The following RGS6 variants were observed in gnomAD, a reference collection of about 807,000 sequenced individuals.
RGS6 encodes the protein regulator of G-protein signaling 6.
Under a neutral mutation model 78.5 loss-of-function variants are expected in RGS6, and 30 were observed. The observed-to-expected ratio is 0.38, with a 90% CI of 0.29 to 0.52. The LOEUF is 0.52. Ranked by LOEUF, RGS6 falls within the 20% of genes least tolerant of loss-of-function variation. The pLI, the probability that RGS6 is intolerant of heterozygous loss-of-function variation, is 0.85. For missense variants in RGS6, 495 were observed against 609.7 expected (o/e 0.81, Z 1.98); for synonymous variants, 206 against 206.0 (o/e 1.00, Z 0.00).
chr14:72,127,818 A>G (rs914873316), intron 2 of RGS6, among the ~76,000 whole-genome samples: 3 of 152,246 alleles, frequency 2.0e-5, no homozygotes, highest in East Asian at 1.9e-4. Context: ...CCCCTTTATA[A>G]CTACAACCCC....
intron 5 of RGS6, 71 bp from the exon 6 acceptor site, chr14:72,459,561 C>T (rs1025722931): frequency 4.1e-6 from 6 of 1,478,958 alleles, no homozygotes; most frequent in African/African-American, 1.4e-5. Flanking sequence ...CAGGGAGGCT[C>T]CTCCCTGGGT....
chr14:71,990,924 A>T (rs1043105246), intron 2 of RGS6: 6 of 445,846 alleles, frequency 1.3e-5, no homozygotes, highest in Non-Finnish European at 2.3e-5. Flanking sequence ...CATAGTTGGC[A>T]TCGGAGGCAG....
chr14:72,493,360 C>T (rs2096603324), intron 12 of RGS6, among the ~76,000 whole-genome samples: 1 of 151,630 alleles, frequency 6.6e-6, no homozygotes. Context: ...CTATGATAAC[C>T]AAAAGTGAAC....
chr14:72,250,446 T>A (rs1425962585), intron 2 of RGS6, among the ~76,000 whole-genome samples: 1 of 139,962 alleles, frequency 7.1e-6, no homozygotes, highest in African/African-American at 2.6e-5. Flanking sequence ...GAGAAGTTTC[T>A]CAAAAAAAGA....
chr14:72,204,284 A>C (rs1236283876), intron 2 of RGS6, among the ~76,000 whole-genome samples: 1 of 152,226 alleles, frequency 6.6e-6, no homozygotes, highest in Non-Finnish European at 1.5e-5. Context: ...ACATACCACC[A>C]TTCTGTTATA....
intron 2 of RGS6, among the ~76,000 whole-genome samples, chr14:72,250,412 A>AAAAAAT (rs2055427943): frequency 6.6e-6 from 1 of 151,340 alleles, no homozygotes; most frequent in South Asian, 2.1e-4. Context: ...AAAAAAAAAA[A>AAAAAAT]ACCCCAAGGG....
intron 2 of RGS6, among the ~76,000 whole-genome samples, chr14:72,035,805 G>C (rs2091610319): frequency 6.6e-6 from 1 of 152,240 alleles, no homozygotes; most frequent in Middle Eastern, 3.4e-3. Flanking sequence ...ATGAGGCTCT[G>C]ATTAGTGCTC....
the RGS6 span, among the ~76,000 whole-genome samples, chr14:71,885,491 G>A: frequency 2.6e-5 from 4 of 152,184 alleles, no homozygotes; most frequent in Non-Finnish European, 4.4e-5. Context: ...TCAAAGGGCA[G>A]CTTGCTTTGT....
Position 72,419,181 on chromosome 14 carries a change from A to G in RGS6, c.185-35347A>G, listed in dbSNP as rs541022559. Among the ~76,000 whole-genome samples, 4 of 152,358 alleles carry G rather than the reference A, an allele frequency of 2.6e-5. No homozygotes were observed. The East Asian group carries it at 7.7e-4, about 29-fold the overall frequency. On this transcript the variant is annotated intron_variant, in intron 3 of 17. Transcript: ENST00000553525. Reference sequence around the variant, plus strand: ...ACTGGCAAGAAGTCCCATGGTTGTTATCTTTTGATTAGTAGTAGTAAAAAT... The same window carrying G: ...ACTGGCAAGAAGTCCCATGGTTGTTGTCTTTTGATTAGTAGTAGTAAAAAT...
intron 2 of RGS6, among the ~76,000 whole-genome samples, chr14:72,298,251 T>G (rs1193096754): frequency 2.6e-5 from 4 of 152,002 alleles, no homozygotes; most frequent in Admixed American, 2.6e-4. Flanking sequence ...TTTTAATCTA[T>G]TAATATGTTG....
intron 2 of RGS6, among the ~76,000 whole-genome samples, chr14:72,273,472 G>A (rs2087478693): frequency 3.3e-5 from 5 of 152,190 alleles, no homozygotes; most frequent in African/African-American, 1.2e-4. Context: ...AGTGTGGACA[G>A]CAGGGGCAAT....
chr14:72,365,187 G>T (rs953263201), intron 3 of RGS6, among the ~76,000 whole-genome samples: 2 of 152,174 alleles, frequency 1.3e-5, no homozygotes, highest in Admixed American at 6.5e-5. Flanking sequence ...AGAGCATAAA[G>T]AGAACATTCT....
intron 2 of RGS6, among the ~76,000 whole-genome samples, chr14:72,017,640 T>C (rs538025681): frequency 2.0e-4 from 31 of 152,334 alleles, no homozygotes; most frequent in African/African-American, 7.5e-4. Flanking sequence ...AAAACAGGGT[T>C]GAACAGAGGC....
chr14:72,186,401 T>G (rs2097248235), intron 2 of RGS6, among the ~76,000 whole-genome samples: 1 of 152,218 alleles, frequency 6.6e-6, no homozygotes, highest in Non-Finnish European at 1.5e-5. Context: ...GGAGGTAACT[T>G]TTAGCATCTG....
the RGS6 span, among the ~76,000 whole-genome samples, chr14:72,571,699 C>T: frequency 6.6e-6 from 1 of 152,180 alleles, no homozygotes; most frequent in East Asian, 1.9e-4. Flanking sequence ...AGAGCTAATA[C>T]TATCACACTG....
At chr14:72,312,121 A>G (rs116145942) in intron 2 of RGS6, among the ~76,000 whole-genome samples, 1,580 of 152,148 alleles carry the variant, frequency 0.01, 22 homozygotes, top group African/African-American at 0.036. Flanking sequence ...ATTCTGCGCA[A>G]GGATCGCTCC....
chr14:72,421,233 A>C (rs2094162221), intron 3 of RGS6: 1 of 152,240 alleles, frequency 6.6e-6, no homozygotes. Flanking sequence ...AAGGGATGGG[A>C]CTGGAGTCAG....
Position 72,308,066 on chromosome 14 carries a change from T to C in RGS6, c.85-44029T>C, listed in dbSNP as rs150580501. 3.3e-3 allele frequency among the ~76,000 whole-genome samples: 502 copies of C among 152,320 alleles called. 2 individuals are homozygous for C. Among genetic ancestry groups the C allele is most frequent in the African/African-American group, 0.012 (490 of 41,572 alleles). ...TTCCCCCAGCCATCTAATTAAATGT[T>C]TTATTATTCTAATTTTCCAGGTGTA... is the stretch of plus-strand genomic sequence containing the variant. On this transcript the variant is annotated intron_variant, in intron 2 of 17. Coordinates refer to ENST00000553525, the MANE Select transcript of RGS6 (RefSeq NM_001204424.2).
chr14:72,236,801 C>T (rs544935804), intron 2 of RGS6, among the ~76,000 whole-genome samples: 6 of 152,152 alleles, frequency 3.9e-5, no homozygotes, highest in African/African-American at 1.4e-4. Context: ...TGGCAGGGGG[C>T]GCTGAGCAGA....
Sources: allele counts gnomAD v4.1 joint callset (sites outside exome capture counted in the v4.1 genomes callset), GRCh38; gene constraint gnomAD v4.1.1; transcripts MANE v1.5; gene names NCBI Gene and HGNC (gene_info 2026-07-23, HGNC 2026-07-21).